The following EYS variants were observed in gnomAD, a reference collection of about 807,000 sequenced individuals.
EYS encodes the protein protein eyes shut homolog.
EYS carries 250 observed loss-of-function variants against 282.1 expected under a neutral mutation model. The observed-to-expected ratio is 0.89, with a 90% confidence interval of 0.80 to 0.98. The LOEUF (loss-of-function observed/expected upper bound fraction) is 0.98, where lower values mean the gene tolerates loss of function less well. Ranked by LOEUF, EYS falls within the 50% of genes least tolerant of loss-of-function variation. The pLI, the probability that EYS is intolerant of heterozygous loss-of-function variation, is 0.00. For missense variants in EYS, 4,016 were observed against 3,709.0 expected, an observed-to-expected ratio of 1.08 and a Z score of -2.15; for synonymous variants, 1,355 against 1,282.9, an observed-to-expected ratio of 1.06 and a Z score of -1.20.
chr6:64,107,273 A>G lies in EYS; in HGVS notation c.6425-25271T>C, dbSNP rs572111853. On this transcript the variant is annotated intron_variant, in intron 31 of 42. Coordinates refer to ENST00000503581, the MANE Select transcript of EYS (RefSeq NM_001142800.2). Reference sequence around the variant, plus strand: ...TATATATATATATGTGTGTGTGTGTATATATATATATTTATATATATATAT... The same window carrying G: ...TATATATATATATGTGTGTGTGTGTGTATATATATATTTATATATATATAT... Among the ~76,000 whole-genome samples the G allele has an allele frequency of 3.0e-3, 254 of 83,904 alleles. 1 individual carries two copies. Among genetic ancestry groups the G allele is most frequent in the African/African-American group, 6.3e-3 (138 of 21,918 alleles). The allele number at this position is 83,904 out of a possible 152,430, so 55.0% of individuals were successfully genotyped here. A position where few individuals can be genotyped will look rare whatever the true frequency, so the allele number is the denominator to read the frequency against.
At chr6:65,388,802 T>C (rs929688929) in intron 7 of EYS, among the ~76,000 whole-genome samples, 1 of 152,080 alleles carries the variant, frequency 6.6e-6, no homozygotes, top group Non-Finnish European at 1.5e-5. Context: ...TAAAAAATGA[T>C]AAACAAGCAA....
intron 22 of EYS, among the ~76,000 whole-genome samples, chr6:64,675,960 G>A (rs1046836737): frequency 3.4e-5 from 5 of 146,422 alleles, no homozygotes; most frequent in South Asian, 2.2e-4. Context: ...TATATCTATC[G>A]ATATATCTAT....
At chr6:64,672,359 T>A (rs967411647) in intron 22 of EYS, among the ~76,000 whole-genome samples, 15 of 152,256 alleles carry the variant, frequency 9.9e-5, no homozygotes, top group Non-Finnish European at 1.5e-4. Context: ...TGAGTTCTCT[T>A]TTTTCCCCTG....
intron 2 of EYS, among the ~76,000 whole-genome samples, chr6:65,500,539 A>T (rs921089217): frequency 3.9e-5 from 6 of 151,908 alleles, no homozygotes; most frequent in Non-Finnish European, 8.8e-5. Flanking sequence ...AAATTCAAAA[A>T]ATCTTTGAAA....
chr6:64,274,755 G>T (rs1419364880), intron 30 of EYS, among the ~76,000 whole-genome samples: 1 of 151,996 alleles, frequency 6.6e-6, no homozygotes, highest in African/African-American at 2.4e-5. Flanking sequence ...TTGTCTACAA[G>T]TACCGAACTT....
intron 26 of EYS, among the ~76,000 whole-genome samples, chr6:64,528,829 A>G (rs941273446): frequency 4.6e-5 from 7 of 152,024 alleles, no homozygotes; most frequent in Non-Finnish European, 1.0e-4. Context: ...CAGTCTGGTC[A>G]TGTTACAGAT....
chr6:63,990,503 T>C (rs541882266), intron 34 of EYS, among the ~76,000 whole-genome samples: 1 of 151,798 alleles, frequency 6.6e-6, no homozygotes, highest in South Asian at 2.1e-4. Flanking sequence ...GCAGACTCTT[T>C]GGGGAGCTGT....
intron 1 of EYS, among the ~76,000 whole-genome samples, chr6:65,663,607 T>C (rs762220967): frequency 6.6e-6 from 1 of 152,210 alleles, no homozygotes; most frequent in Non-Finnish European, 1.5e-5. Context: ...AATGCATCTG[T>C]CATGGTTTGG....
chr6:64,565,038 T>C lies in EYS; in HGVS notation c.5644+25185A>G, dbSNP rs866536607. On this transcript the variant is annotated intron_variant, in intron 26 of 42. Coordinates refer to ENST00000503581, the MANE Select transcript of EYS (RefSeq NM_001142800.2). ...TTTTTTCTGTTGATTTATTTGACTTTCTTATGTATTTTGGATGTTATCTTC... is the reference window on the plus strand; with the variant it reads ...TTTTTTCTGTTGATTTATTTGACTTCCTTATGTATTTTGGATGTTATCTTC... Among the ~76,000 whole-genome samples the C allele has an allele frequency of 2.0e-5, 3 of 152,306 alleles. No homozygotes were observed. In the South Asian group the frequency reaches 6.2e-4, roughly 32 times the overall value.
intron 26 of EYS, among the ~76,000 whole-genome samples, chr6:64,463,014 C>T (rs534444647): frequency 2.1e-5 from 3 of 143,196 alleles, no homozygotes; most frequent in African/African-American, 5.3e-5. Flanking sequence ...GGCGAGATCT[C>T]GGGCTCACTG....
At chr6:64,850,751 A>G (rs1765858255) in intron 19 of EYS, among the ~76,000 whole-genome samples, 1 of 152,094 alleles carries the variant, frequency 6.6e-6, no homozygotes, top group African/African-American at 2.4e-5. Flanking sequence ...AAATTATTCT[A>G]TTTACTATGC....
At chr6:65,412,192 C>T (rs969923958) in intron 5 of EYS, among the ~76,000 whole-genome samples, 2 of 152,102 alleles carry the variant, frequency 1.3e-5, no homozygotes. Context: ...CTTCTGAGAC[C>T]TTGATCTCTA....
chr6:65,365,800 G>A lies in EYS; in HGVS notation c.1300-12183C>T, dbSNP rs185998670. ...TAAACAAAAGTTACTTAGTCCATGG[G>A]CCTCTTGTAATACCCGTGATTACAT... On this transcript the variant is annotated intron_variant, in intron 8 of 42. Coordinates refer to ENST00000503581, the MANE Select transcript of EYS (RefSeq NM_001142800.2). Among the ~76,000 whole-genome samples the A allele has an allele frequency of 2.9e-4, 44 of 151,742 alleles. 1 individual carries two copies. The highest frequency in any genetic ancestry group is 9.9e-4 in the African/African-American group (41 of 41,488).
chr6:65,306,020 A>G (rs987821070), intron 11 of EYS, among the ~76,000 whole-genome samples: 2 of 152,078 alleles, frequency 1.3e-5, no homozygotes, highest in African/African-American at 2.4e-5. Flanking sequence ...TCTTTTCTTG[A>G]TGTTGGTTTC....
At chr6:65,317,938 G>A (rs1438759713) in intron 11 of EYS, among the ~76,000 whole-genome samples, 1 of 148,702 alleles carries the variant, frequency 6.7e-6, no homozygotes, top group African/African-American at 2.5e-5. Context: ...TGCGATCTCG[G>A]CTCACCGCAA....
chr6:64,029,914 C>T (rs1304042934), intron 33 of EYS, among the ~76,000 whole-genome samples: 1 of 152,236 alleles, frequency 6.6e-6, no homozygotes, highest in East Asian at 1.9e-4. Context: ...GAGTTCCTAA[C>T]CTCTGGGGGA....
intron 42 of EYS, among the ~76,000 whole-genome samples, chr6:63,723,804 A>G (rs945942207): frequency 1.2e-4 from 17 of 138,080 alleles, no homozygotes; most frequent in African/African-American, 1.9e-4. Context: ...TATTATTATT[A>G]TTATTATTAT....
Position 63,932,070 on chromosome 6 carries a change from C to G in EYS, c.7055+52313G>C, listed in dbSNP as rs1764911237. Among the ~76,000 whole-genome samples, 3 of 152,206 alleles carry G rather than the reference C, an allele frequency of 2.0e-5. No homozygotes were observed. The South Asian group carries it at 6.2e-4, about 31-fold the overall frequency. On this transcript the variant is annotated intron_variant, in intron 35 of 42. Coordinates refer to ENST00000503581, the MANE Select transcript of EYS (RefSeq NM_001142800.2). ...CATATGAATGTGAACATGCGGTTCA[C>G]ATATGAATGAGAATATGCGGTTCTA...
Position 64,573,788 on chromosome 6 carries a change from G to A in EYS, c.5644+16435C>T, listed in dbSNP as rs573932976. On this transcript the variant is annotated intron_variant, in intron 26 of 42. Transcript: ENST00000503581. The stretch of plus-strand genomic sequence containing the variant: ...AAGTCAGGAAACAACAGATGCTGGC[G>A]AAGTTGTGGAGAAACAGGAATGCTT... 3.9e-5 allele frequency among the ~76,000 whole-genome samples: 6 copies of A among 152,294 alleles called. No individual in the cohort carries two copies. The East Asian group carries it at 5.8e-4, about 15-fold the overall frequency.
Sources: gnomAD v4.1 joint callset for allele counts (sites outside exome capture counted in the v4.1 genomes callset) on GRCh38, gnomAD v4.1.1 for gene constraint, MANE v1.5 for transcripts, NCBI Gene and HGNC (gene_info 2026-07-23, HGNC 2026-07-21) for gene names.